Variants in TBC1D24 observed in about 807,000 individuals in gnomAD.
TBC1D24 encodes the protein Infantile myoclonic epilepsy.
In TBC1D24, 47 loss-of-function variants were observed where a neutral mutation model predicts 50.7. The ratio of observed to expected loss-of-function variants is 0.93; its 90% confidence interval spans 0.73 to 1.18. The LOEUF (loss-of-function observed/expected upper bound fraction) is 1.18, where lower values mean the gene tolerates loss of function less well. Ranked by LOEUF, TBC1D24 falls within the 50% of genes most tolerant of loss-of-function variation. TBC1D24 has a pLI of 0.00. For synonymous variants in TBC1D24, 324 were observed against 335.2 expected, an observed-to-expected ratio of 0.97 and a Z score of 0.36; for missense variants, 688 against 766.5, an observed-to-expected ratio of 0.90 and a Z score of 1.21.
In TBC1D24 at chr16:2,499,810, A is replaced by G; in HGVS notation, c.1207-25A>G. 6.2e-7 allele frequency: 1 copy of G among 1,603,224 alleles called. No homozygotes were observed. The highest frequency in any genetic ancestry group is 8.5e-7 in the Non-Finnish European group (1 of 1,170,134). ...GACGCTCCTGGGGGCCTGCGGGCAC[A>G]GCCTCACCCAGACCTTTCCCCCAGG... On this transcript the variant is annotated intron_variant, in intron 5 of 7. Coordinates refer to ENST00000646147, the MANE Select transcript of TBC1D24 (RefSeq NM_001199107.2). The surrounding 1 kb of genome is among the most constrained non-coding windows in gnomAD (Gnocchi z 4.0).
chr16:2,494,879 C>T (rs1280360747), intron 1 of TBC1D24, among the ~76,000 whole-genome samples: 1 of 152,052 alleles, frequency 6.6e-6, no homozygotes, highest in Non-Finnish European at 1.5e-5. Context: ...CTAATACTTA[C>T]ACAAAGATTA....
chr16:2,482,068 C>G lies in TBC1D24; in HGVS notation c.-116+6898C>G, dbSNP rs1487912852. The G allele has an allele frequency of 6.6e-6, 1 of 152,280 alleles. No individual in the cohort carries two copies. Among genetic ancestry groups the G allele is most frequent in the Non-Finnish European group, 1.5e-5 (1 of 68,052 alleles). 9.4% of individuals were successfully genotyped at this position (152,280 alleles called of 1,614,324 possible). The stretch of plus-strand genomic sequence containing the variant: ...GCTGAGGCAGGCACCCCTTACCTTC[C>G]TGTTATGTGAAGATGCCTGCAGGAA... On this transcript the variant is annotated intron_variant, in intron 1 of 7. Coordinates refer to ENST00000646147, the MANE Select transcript of TBC1D24 (RefSeq NM_001199107.2). This position sits in a 1 kb window ranked among gnomAD's most constrained non-coding sequence, Gnocchi z 5.2.
At chr16:2,477,611 A>T (rs1217340243) in intron 1 of TBC1D24, 1 of 152,300 alleles carries the variant, frequency 6.6e-6, no homozygotes, top group East Asian at 1.9e-4. Context: ...CACACTTCAT[A>T]GGAGGCACCA....
intron 1 of TBC1D24, chr16:2,477,321 C>G (rs912191922): frequency 6.6e-6 from 1 of 152,218 alleles, no homozygotes; most frequent in Non-Finnish European, 1.5e-5. Flanking sequence ...GCCTGCAATC[C>G]CAACACTTTG....
chr16:2,488,930 C>T (rs1273616307), intron 1 of TBC1D24, among the ~76,000 whole-genome samples: 4 of 148,566 alleles, frequency 2.7e-5, no homozygotes, highest in African/African-American at 7.5e-5. Flanking sequence ...ATTAGCTGAG[C>T]GTGGTGGCGC....
rs2065734084 is a variant in TBC1D24, at chr16:2,496,073, A to C, written c.-76A>C. The C allele has an allele frequency of 9.4e-6, 15 of 1,587,888 alleles. No homozygotes were observed. In the Admixed American group the frequency reaches 2.6e-4, roughly 28 times the overall value. On this transcript the variant is annotated 5_prime_UTR_variant, in exon 2 of 8. Transcript: ENST00000646147. ...GACAGGTTTGCAGGAAACCCTCAGA[A>C]AGGGGGCTGGAGGATTTAGCCACTC...
rs1191929821 is a variant in TBC1D24, at chr16:2,500,227, G to A, written c.1303-41G>A. 1.5e-5 allele frequency: 23 copies of A among 1,525,372 alleles called. No homozygotes were observed. Among genetic ancestry groups the A allele is most frequent in the African/African-American group, 4.1e-5 (3 of 72,532 alleles). The allele number at this position is 1,525,372 out of a possible 1,614,324, so 94.5% of individuals were successfully genotyped here. On this transcript the variant is annotated intron_variant, in intron 6 of 7. Transcript: ENST00000646147. This position sits in a 1 kb window ranked among gnomAD's most constrained non-coding sequence, Gnocchi z 8.0. Reference sequence around the variant, plus strand: ...GTGGCTCTGGGGCAGAGGGGCCTGCGAACGCCCGCGCCAGCTCCTCACACT... The same window carrying A: ...GTGGCTCTGGGGCAGAGGGGCCTGCAAACGCCCGCGCCAGCTCCTCACACT...
Position 2,479,310 on chromosome 16 carries a change from T to G in TBC1D24, c.-116+4140T>G, listed in dbSNP as rs1243297143. On this transcript the variant is annotated intron_variant, in intron 1 of 7. Coordinates refer to ENST00000646147, the MANE Select transcript of TBC1D24 (RefSeq NM_001199107.2). ...ATTTGCCTTTTGGGGAACCTCCAGC[T>G]TCAGTGTCGCTCTTCTCAAAGGACC... 4.6e-5 allele frequency: 7 copies of G among 152,322 alleles called. No homozygotes were observed. In the East Asian group the frequency reaches 1.4e-3, roughly 29 times the overall value. 9.4% of individuals were successfully genotyped at this position (152,322 alleles called of 1,614,324 possible).
chr16:2,499,367 C>T lies in TBC1D24; in HGVS notation c.1153C>T (p.Gln385Ter), dbSNP rs2065771024. 6.2e-7 allele frequency: 1 copy of T among 1,613,370 alleles called. No homozygotes were observed. The highest frequency in any genetic ancestry group is 2.2e-5 in the East Asian group (1 of 44,866). ...GTGTCTCTACGCCAGGTTCTACTTC[C>T]AGTGTGAAGGACATGAGCCTACCCT... The part of the protein sequence containing the change: ...HGYSLARFYF[Q>*]CEGHEPTLLL... Residue 385 changes from glutamine (Q) to a stop codon, truncating the protein, a stop_gained, in exon 5 of 8, where the codon CAG (glutamine) becomes TAG (stop). Transcript: ENST00000646147. LOFTEE classifies it high-confidence loss of function. This position sits in a 1 kb window ranked among gnomAD's most constrained non-coding sequence, Gnocchi z 4.0.
Position 2,504,331 on chromosome 16 carries a change from C to T in TBC1D24, c.*3373C>T, listed in dbSNP as rs2065817028. On this transcript the variant is annotated 3_prime_UTR_variant, in exon 8 of 8. Transcript: ENST00000646147. ...GTACAGGGTTTCCATGTACCCTCAC[C>T]TTCCCCCAAGTCAATATCAAAACAA... 6.6e-6 allele frequency: 1 copy of T among 151,826 alleles called. No homozygotes were observed. Among genetic ancestry groups the T allele is most frequent in the Non-Finnish European group, 1.5e-5 (1 of 68,000 alleles). The allele number at this position is 151,826 out of a possible 1,614,324, so 9.4% of individuals were successfully genotyped here. A position where few individuals can be genotyped will look rare whatever the true frequency, so the allele number is the denominator to read the frequency against.
rs1240934978 is a variant in TBC1D24, at chr16:2,503,381, T to A, written c.*2423T>A. 2 of 152,188 alleles carry A rather than the reference T, an allele frequency of 1.3e-5. No individual in the cohort carries two copies. The highest frequency in any genetic ancestry group is 2.9e-5 in the Non-Finnish European group (2 of 68,038). The allele number at this position is 152,188 out of a possible 1,614,324, so 9.4% of individuals were successfully genotyped here. ...AGGTATTCCCAAATAGAACATAATT[T>A]ATTTTGTTAATGTTCTCTATTTCTT... On this transcript the variant is annotated 3_prime_UTR_variant, in exon 8 of 8. Coordinates refer to ENST00000646147, the MANE Select transcript of TBC1D24 (RefSeq NM_001199107.2).
intron 1 of TBC1D24, chr16:2,481,309 C>G (rs2141853782): frequency 6.6e-6 from 1 of 152,396 alleles, no homozygotes; most frequent in African/African-American, 2.4e-5. Flanking sequence ...TTTGAGAAGG[C>G]AAGGTGGGAA....
At position 2,501,020 on chromosome 16, in the gene TBC1D24, C is replaced by CAGCAGA; in HGVS notation, c.*62_*63insAGCAGA. 6.3e-7 allele frequency: 1 copy of CAGCAGA among 1,592,738 alleles called. No individual in the cohort carries two copies. The highest frequency in any genetic ancestry group is 1.3e-5 in the African/African-American group (1 of 74,868). On this transcript the variant is annotated 3_prime_UTR_variant, in exon 8 of 8. Coordinates refer to ENST00000646147, the MANE Select transcript of TBC1D24 (RefSeq NM_001199107.2). ...GTGGGCCGAGGCTGGGCTGCCGCCT[C>CAGCAGA]GGGCAGCAGAGAGCAGATGAAACCC...
chr16:2,501,660 G>A lies in TBC1D24; in HGVS notation c.*702G>A, dbSNP rs2065795263. On this transcript the variant is annotated 3_prime_UTR_variant, in exon 8 of 8. Coordinates refer to ENST00000646147, the MANE Select transcript of TBC1D24 (RefSeq NM_001199107.2). ...GGATTTGTGCTGGGCTCCACCCCCA[G>A]GGAGGGTGGGAGCTGGAGGGGGATG... 1 of 152,480 alleles carries A rather than the reference G, an allele frequency of 6.6e-6. No homozygotes were observed. The highest frequency in any genetic ancestry group is 1.5e-5 in the Non-Finnish European group (1 of 68,308). 9.4% of individuals were successfully genotyped at this position (152,480 alleles called of 1,614,324 possible). A position where few individuals can be genotyped will look rare whatever the true frequency, so the allele number is the denominator to read the frequency against.
intron 2 of TBC1D24, 42 bp downstream of exon 2, chr16:2,497,155 G>A (rs766474774): frequency 2.5e-6 from 4 of 1,598,100 alleles, no homozygotes; most frequent in African/African-American, 1.3e-5. Flanking sequence ...CCAGGGTCGG[G>A]GGCTGGGGCA....
Position 2,498,311 on chromosome 16 carries a change from A to G in TBC1D24, c.1057A>G (p.Ile353Val). 6.2e-7 allele frequency: 1 copy of G among 1,611,590 alleles called. No individual in the cohort carries two copies. The highest frequency in any genetic ancestry group is 8.5e-7 in the Non-Finnish European group (1 of 1,178,914). Residue 353 changes from isoleucine (I) to valine (V), a missense_variant, in exon 4 of 8, where the codon ATC (isoleucine) becomes GTC (valine). Coordinates refer to ENST00000646147, the MANE Select transcript of TBC1D24 (RefSeq NM_001199107.2). ...EIVSVREMRD[I>V]WSWVPERFAL... The stretch of plus-strand genomic sequence containing the variant: ...CGTCAGCGTGAGGGAGATGAGAGAC[A>G]TCTGGTCCTGGGTCCCCGAGCGCTT...
intron 1 of TBC1D24, chr16:2,477,105 T>C (rs1229994052): frequency 2.0e-5 from 3 of 152,258 alleles, no homozygotes; most frequent in Non-Finnish European, 2.9e-5. Flanking sequence ...TTTTCTGTTA[T>C]GACAACTCTG....
At chr16:2,498,508 C>T (rs2065763585) in intron 4 of TBC1D24, 112 bp downstream of exon 4, 3 of 1,001,184 alleles carry the variant, frequency 3.0e-6, no homozygotes, top group Non-Finnish European at 1.5e-6. Context: ...CCTGCTTCTT[C>T]CTGTGGGGCC....
chr16:2,502,114 C>T lies in TBC1D24; in HGVS notation c.*1156C>T. 6.5e-6 allele frequency: 1 copy of T among 152,716 alleles called. No homozygotes were observed. The highest frequency in any genetic ancestry group is 1.5e-5 in the Non-Finnish European group (1 of 68,302). 9.5% of individuals were successfully genotyped at this position (152,716 alleles called of 1,614,324 possible). A position where few individuals can be genotyped will look rare whatever the true frequency, so the allele number is the denominator to read the frequency against. The stretch of plus-strand genomic sequence containing the variant: ...GTCCCTCTTGTGGTGCTGTGGCTGG[C>T]CACGTGTCAGGGTTTTCTGTGAGCC... On this transcript the variant is annotated 3_prime_UTR_variant, in exon 8 of 8. Coordinates refer to ENST00000646147, the MANE Select transcript of TBC1D24 (RefSeq NM_001199107.2).
Sources: allele counts gnomAD v4.1 joint callset (sites outside exome capture counted in the v4.1 genomes callset), GRCh38; gene constraint gnomAD v4.1.1; non-coding constraint Gnocchi (gnomAD v3.1); transcripts MANE v1.5; gene names NCBI Gene and HGNC (gene_info 2026-07-23, HGNC 2026-07-21).